POLD3: variants seen among roughly 807,000 people sequenced by gnomAD.
POLD3 encodes the protein DNA polymerase delta subunit 3.
A neutral mutation model predicts 58.2 loss-of-function variants in POLD3; 19 were observed. The observed-to-expected ratio is 0.33, with a 90% CI of 0.23 to 0.48. The LOEUF (loss-of-function observed/expected upper bound fraction) is 0.48, where lower values mean the gene tolerates loss of function less well. Ranked by LOEUF, POLD3 falls within the 20% of genes least tolerant of loss-of-function variation. POLD3 has a pLI of 0.99. For synonymous variants in POLD3, 172 were observed against 193.5 expected (o/e 0.89, Z 0.92); for missense variants, 504 against 545.5 (o/e 0.92, Z 0.76).
chr11:74,640,803 C>A lies in POLD3; in HGVS notation c.*37C>A. The A allele has an allele frequency of 6.7e-7, 1 of 1,503,146 alleles. No individual in the cohort carries two copies. Among genetic ancestry groups the A allele is most frequent in the South Asian group, 1.4e-5 (1 of 71,562 alleles). The allele number at this position is 1,503,146 out of a possible 1,614,324, so 93.1% of individuals were successfully genotyped here. A position where few individuals can be genotyped will look rare whatever the true frequency, so the allele number is the denominator to read the frequency against. On this transcript the variant is annotated 3_prime_UTR_variant, in exon 12 of 12. Coordinates refer to ENST00000263681, the MANE Select transcript of POLD3 (RefSeq NM_006591.3). ...TGGTAGATCAGAGACTTGGAGTGGT[C>A]AAGGGAGAAGACCAAGAAATGTACT...
intron 3 of POLD3, among the ~76,000 whole-genome samples, chr11:74,610,453 C>A (rs2031872016): frequency 1.3e-5 from 2 of 152,130 alleles, no homozygotes; most frequent in African/African-American, 4.8e-5. Flanking sequence ...TCGTGATCTG[C>A]CTGCCTCGGC....
intron 4 of POLD3, among the ~76,000 whole-genome samples, chr11:74,656,079 A>G (rs1213305335): frequency 6.6e-6 from 1 of 152,252 alleles, no homozygotes; most frequent in Non-Finnish European, 1.5e-5. Flanking sequence ...GCCATTTATA[A>G]TAGTGTCAAG....
chr11:74,611,409 C>T lies in POLD3; in HGVS notation c.220-90C>T, dbSNP rs530485844. The T allele has an allele frequency of 1.3e-4, 102 of 762,080 alleles. 4 individuals are homozygous for T. The South Asian group carries it at 1.5e-3, about 11-fold the overall frequency. The allele number at this position is 762,080 out of a possible 1,614,324, so 47.2% of individuals were successfully genotyped here. A position where few individuals can be genotyped will look rare whatever the true frequency, so the allele number is the denominator to read the frequency against. On this transcript the variant is annotated intron_variant, in intron 3 of 11. Coordinates refer to ENST00000263681, the MANE Select transcript of POLD3 (RefSeq NM_006591.3). ...GGAGTGCCTGGTGTTTTCCTAATTT[C>T]ACATCCAAGCACAATTGAATTATTG...
intron 3 of POLD3, among the ~76,000 whole-genome samples, chr11:74,605,869 A>G (rs770188988): frequency 8.5e-5 from 13 of 152,150 alleles, no homozygotes; most frequent in Non-Finnish European, 1.3e-4. Flanking sequence ...GAATCACTTG[A>G]GCCCAGGAGT....
intron 8 of POLD3, among the ~76,000 whole-genome samples, chr11:74,628,627 A>G (rs759138125): frequency 2.0e-5 from 3 of 152,150 alleles, no homozygotes; most frequent in Admixed American, 2.0e-4. Flanking sequence ...ATGTCATTAG[A>G]ATCACCTTAA....
rs182066280 is a variant in POLD3 at position 74,624,302 on chromosome 11, G to A, written c.734-1106G>A. Among the ~76,000 whole-genome samples the A allele has an allele frequency of 5.3e-5, 8 of 152,268 alleles. No individual in the cohort carries two copies. The East Asian group carries it at 1.4e-3, about 26-fold the overall frequency. ...GAGAACAACAGTTGAAAATGCAAGA[G>A]TATGCCATCGTTGGGAAGGTGGATT... On this transcript the variant is annotated intron_variant, in intron 7 of 11. Coordinates refer to ENST00000263681, the MANE Select transcript of POLD3 (RefSeq NM_006591.3).
intron 9 of POLD3, among the ~76,000 whole-genome samples, chr11:74,630,782 A>G (rs2032567685): frequency 6.6e-6 from 1 of 152,034 alleles, no homozygotes; most frequent in African/African-American, 2.4e-5. Context: ...GCTATCAACT[A>G]GATACTCTAG....
chr11:74,594,215 C>A, intron 2 of POLD3, 99 bp downstream of exon 2: 1 of 739,626 alleles, frequency 1.4e-6, no homozygotes. Flanking sequence ...TAGATTAGAG[C>A]TAATTTGGTT....
intron 5 of POLD3, 140 bp from the exon 6 acceptor site, chr11:74,618,397 T>G: frequency 1.6e-6 from 1 of 623,646 alleles, no homozygotes; most frequent in East Asian, 2.7e-5. Context: ...TAAACAATAT[T>G]AGAGTTAAGT....
rs1275259608 is a variant in POLD3, at chr11:74,604,720, C to T, written c.145C>T (p.Arg49Ter). ...GCTGTATGATTATGTTGAAAGGAAA[C>T]GAAAAGAAAATTCAGGAGCCCAACT... ...QMLYDYVERK[R>*]KENSGAQLHV... Residue 49 changes from arginine (R) to a stop codon, truncating the protein, a stop_gained, in exon 3 of 12, where the codon CGA becomes TGA. Transcript: ENST00000263681. LOFTEE classifies it high-confidence loss of function. 1.9e-6 allele frequency: 3 copies of T among 1,607,988 alleles called. No homozygotes were observed. Among genetic ancestry groups the T allele is most frequent in the Non-Finnish European group, 1.7e-6 (2 of 1,174,618 alleles).
chr11:74,658,882 C>T (rs899268530), intron 4 of POLD3, among the ~76,000 whole-genome samples: 10 of 152,168 alleles, frequency 6.6e-5, no homozygotes, highest in African/African-American at 1.9e-4. Flanking sequence ...TCCAGGTGCA[C>T]GGTGCAAGCT....
chr11:74,610,517 C>T (rs2031874641), intron 3 of POLD3, among the ~76,000 whole-genome samples: 1 of 152,010 alleles, frequency 6.6e-6, no homozygotes. Context: ...CCTTTCTTGC[C>T]CATTTTCTAA....
In POLD3 at chr11:74,641,889, A is replaced by C. The variant is rs1198244705; in HGVS notation, c.*1123A>C. 3.0e-6 allele frequency: 3 copies of C among 985,184 alleles called. No homozygotes were observed. In the African/African-American group the frequency reaches 5.2e-5, roughly 17 times the overall value. The allele number at this position is 985,184 out of a possible 1,614,324, so 61.0% of individuals were successfully genotyped here. ...TTGTTAGTAGGTCTAAACATCAAAG[A>C]AAACATTTTTATTAGTTACTTATGG... On this transcript the variant is annotated 3_prime_UTR_variant, in exon 12 of 12. Transcript: ENST00000263681.
chr11:74,620,674 G>A (rs546994647), intron 7 of POLD3, among the ~76,000 whole-genome samples: 14 of 152,240 alleles, frequency 9.2e-5, no homozygotes, highest in East Asian at 3.9e-4. Flanking sequence ...GAATTCTTTC[G>A]TATGGAAAGA....
intron 8 of POLD3, among the ~76,000 whole-genome samples, chr11:74,627,539 A>G (rs940842942): frequency 2.6e-5 from 4 of 152,182 alleles, no homozygotes; most frequent in Non-Finnish European, 5.9e-5. Context: ...GTGTACAGTA[A>G]CATCCTAGGG....
chr11:74,666,813 A>G (rs2033274222), intron 4 of POLD3, among the ~76,000 whole-genome samples: 1 of 152,160 alleles, frequency 6.6e-6, no homozygotes, highest in Admixed American at 6.5e-5. Flanking sequence ...AAGTGGAGAA[A>G]TCCTTCTTGA....
intron 10 of POLD3, among the ~76,000 whole-genome samples, chr11:74,635,704 GA>G: frequency 6.6e-6 from 1 of 152,238 alleles, no homozygotes; most frequent in Admixed American, 6.5e-5. Context: ...AACAAAAAAA[GA>G]AGACAAGAAA....
At position 74,625,463 on chromosome 11, in the gene POLD3, G is replaced by A. The variant is rs755096692; in HGVS notation, c.789G>A (p.Val263=). The change falls in exon 8 of 12, where the codon GTG becomes GTA. Residue 263 remains valine, a synonymous_variant. Coordinates refer to ENST00000263681, the MANE Select transcript of POLD3 (RefSeq NM_006591.3). The part of the protein sequence containing the change: ...SEQAVKEEKI[V]EQPTVSVTEP... ...AAGCAGTGAAAGAAGAAAAAATAGT[G>A]GAGCAGCCTACAGTGTCTGTCACGG... 1.1e-5 allele frequency: 18 copies of A among 1,613,092 alleles called. No homozygotes were observed. The highest frequency in any genetic ancestry group is 1.4e-5 in the Non-Finnish European group (17 of 1,179,452).
chr11:74,623,795 T>A (rs2032340580), intron 7 of POLD3, among the ~76,000 whole-genome samples: 1 of 152,200 alleles, frequency 6.6e-6, no homozygotes, highest in South Asian at 2.1e-4. Flanking sequence ...ATCATTCAGG[T>A]AACAAAAAAA....
Sources: gnomAD v4.1 joint callset for allele counts (sites outside exome capture counted in the v4.1 genomes callset) on GRCh38, gnomAD v4.1.1 for gene constraint, MANE v1.5 for transcripts, NCBI Gene and HGNC (gene_info 2026-07-23, HGNC 2026-07-21) for gene names.